The following LMO7 variants were observed in gnomAD, a reference collection of about 807,000 sequenced individuals.
The protein encoded by LMO7 is LIM domain 7.
A neutral mutation model predicts 206.5 loss-of-function variants in LMO7; 120 were observed. The ratio of observed to expected loss-of-function variants is 0.58; its 90% CI spans 0.50 to 0.68. LMO7 has a LOEUF of 0.68. Among genes scored for constraint, LMO7 ranks in the 30% least tolerant of loss-of-function variants. The probability of loss-of-function intolerance (pLI) is 0.00; values close to 1 mark genes in which losing one functional copy is unlikely to be tolerated. For missense variants in LMO7, 1,959 were observed against 1,957.9 expected (o/e 1.00, Z -0.01); for synonymous variants, 706 against 681.5 (o/e 1.04, Z -0.56).
intron 3 of LMO7, among the ~76,000 whole-genome samples, chr13:75,737,927 T>C (rs986582866): frequency 2.6e-5 from 4 of 151,236 alleles, no homozygotes; most frequent in East Asian, 1.9e-4. Flanking sequence ...CAGAATTTTT[T>C]TGGTGTCTCT....
chr13:75,728,152 C>T (rs1219931195), intron 3 of LMO7, among the ~76,000 whole-genome samples: 1 of 152,176 alleles, frequency 6.6e-6, no homozygotes, highest in Non-Finnish European at 1.5e-5. Flanking sequence ...AATGGGATTG[C>T]TGGGTCAAAT....
intron 6 of LMO7, among the ~76,000 whole-genome samples, chr13:75,797,395 C>A (rs61959561): frequency 0.11 from 16,617 of 152,190 alleles, 1,339 homozygotes; most frequent in Admixed American, 0.24. Context: ...CCAGGACTGA[C>A]CGTAGTTCTG....
At chr13:75,754,774 A>G (rs1348413044) in intron 3 of LMO7, among the ~76,000 whole-genome samples, 2 of 152,200 alleles carry the variant, frequency 1.3e-5, no homozygotes, top group Non-Finnish European at 2.9e-5. Context: ...TGCTTTTGGA[A>G]GGAAAATGGG....
intron 4 of LMO7, chr13:75,788,935 G>A (rs1165968790): frequency 6.6e-6 from 1 of 152,334 alleles, no homozygotes; most frequent in Non-Finnish European, 1.5e-5. Context: ...CTCATGAGTT[G>A]CAGTTGTTCT....
intron 4 of LMO7, among the ~76,000 whole-genome samples, chr13:75,763,296 C>T (rs2048426810): frequency 6.6e-6 from 1 of 152,042 alleles, no homozygotes; most frequent in Non-Finnish European, 1.5e-5. Context: ...TTTTCCTACT[C>T]CAAATATTAA....
intron 3 of LMO7, 154 bp from the exon 4 acceptor site, chr13:75,760,778 T>G (rs1207491053): frequency 6.5e-7 from 1 of 1,538,392 alleles, no homozygotes; most frequent in South Asian, 1.2e-5. Flanking sequence ...GCCCTATGTA[T>G]TTTTTTTCAA....
chr13:75,707,805 T>C (rs948414582), intron 1 of LMO7, among the ~76,000 whole-genome samples: 1 of 151,998 alleles, frequency 6.6e-6, no homozygotes, highest in African/African-American at 2.4e-5. Flanking sequence ...ATCATCATTA[T>C]TTAGATTTTG....
At chr13:75,704,053 T>C (rs940374556) in intron 1 of LMO7, among the ~76,000 whole-genome samples, 1 of 152,144 alleles carries the variant, frequency 6.6e-6, no homozygotes, top group Admixed American at 6.5e-5. Context: ...GGAGATCATA[T>C]AATGGTTGTT....
At chr13:75,646,936 T>G (rs2037079652) in intron 1 of LMO7, among the ~76,000 whole-genome samples, 1 of 152,200 alleles carries the variant, frequency 6.6e-6, no homozygotes, top group Non-Finnish European at 1.5e-5. Flanking sequence ...ATGAATACAT[T>G]TTCTTCATTT....
At chr13:75,848,470 A>ATCTAT (rs1446421849) in intron 26 of LMO7, among the ~76,000 whole-genome samples, 102 of 59,974 alleles carry the variant, frequency 1.7e-3, no homozygotes, top group Non-Finnish European at 2.6e-3. Context: ...TATCTATCTA[A>ATCTAT]CTATCTCACA....
intron 1 of LMO7, among the ~76,000 whole-genome samples, chr13:75,673,197 A>G (rs1008943188): frequency 6.6e-6 from 1 of 152,230 alleles, no homozygotes; most frequent in African/African-American, 2.4e-5. Context: ...ATAGACAACC[A>G]CCCAGGTGAA....
chr13:75,660,197 A>G (rs912056713), intron 1 of LMO7, among the ~76,000 whole-genome samples: 7 of 152,222 alleles, frequency 4.6e-5, no homozygotes, highest in African/African-American at 1.7e-4. Context: ...AATAGAGAAA[A>G]GTCTGTGGCC....
intron 4 of LMO7, among the ~76,000 whole-genome samples, chr13:75,764,643 A>G (rs115965552): frequency 1.6e-4 from 24 of 152,252 alleles, no homozygotes; most frequent in African/African-American, 5.5e-4. Flanking sequence ...TGACTCAGAA[A>G]CTAAGTCTTG....
At chr13:75,673,996 A>G (rs1455218706) in intron 1 of LMO7, among the ~76,000 whole-genome samples, 1 of 152,174 alleles carries the variant, frequency 6.6e-6, no homozygotes, top group Non-Finnish European at 1.5e-5. Context: ...TCATAGTTCT[A>G]GTTTCTTCTT....
At chr13:75,774,403 T>C (rs146726054) in intron 4 of LMO7, among the ~76,000 whole-genome samples, 1 of 152,294 alleles carries the variant, frequency 6.6e-6, no homozygotes, top group Non-Finnish European at 1.5e-5. Flanking sequence ...TTTCCAAATG[T>C]AGATTTGCCA....
intron 14 of LMO7, among the ~76,000 whole-genome samples, chr13:75,822,595 A>C (rs923831863): frequency 5.9e-5 from 9 of 151,750 alleles, no homozygotes; most frequent in African/African-American, 2.2e-4. Flanking sequence ...AGCACAAAGA[A>C]GTATGTTCAG....
In LMO7 at chr13:75,838,200, A is replaced by G. The variant is rs2059283856; in HGVS notation, c.3451+4A>G. ...CGATCACAATTTTTTGAACAAGGTA[A>G]ACCACAAAGCTAACAATTCATGCAC... is the stretch of plus-strand genomic sequence containing the variant. On this transcript the variant is annotated splice_donor_region_variant and intron_variant, in intron 20 of 30. Transcript: ENST00000377534. 1 of 1,605,792 alleles carries G rather than the reference A, an allele frequency of 6.2e-7. No individual in the cohort carries two copies. Among genetic ancestry groups the G allele is most frequent in the Admixed American group, 1.7e-5 (1 of 59,978 alleles).
At chr13:75,720,813 G>A (rs2043961378) in intron 2 of LMO7, among the ~76,000 whole-genome samples, 1 of 152,086 alleles carries the variant, frequency 6.6e-6, no homozygotes, top group Non-Finnish European at 1.5e-5. Context: ...TGTGTTGTAG[G>A]TAATTCAGCA....
At position 75,817,184 on chromosome 13, in the gene LMO7, G is replaced by A; in HGVS notation, c.1970G>A (p.Ser657Asn). ...ENGSKSMSDV[S>N]AEDVQNLRQL... is the part of the protein sequence containing the mutation. ...AGGAGTAAGTCCATGAGTGATGTCA[G>A]CGCAGAAGATGTTCAAAACTTGCGT... is the stretch of plus-strand genomic sequence containing the variant. The change falls in exon 12 of 31, where the codon AGC becomes AAC. Residue 657 changes from serine (S) to asparagine (N), a missense_variant. Ser to Asn is a conservative substitution (Grantham distance 46, BLOSUM62 1). Transcript: ENST00000377534. 1 of 1,613,410 alleles carries A rather than the reference G, an allele frequency of 6.2e-7. No individual in the cohort carries two copies. The highest frequency in any genetic ancestry group is 8.5e-7 in the Non-Finnish European group (1 of 1,179,428).
Sources: allele counts gnomAD v4.1 joint callset (sites outside exome capture counted in the v4.1 genomes callset), GRCh38; gene constraint gnomAD v4.1.1; transcripts MANE v1.5; gene names NCBI Gene and HGNC (gene_info 2026-07-23, HGNC 2026-07-21).